Variants in MAGI1 observed in about 807,000 individuals in gnomAD.
MAGI1 encodes membrane associated guanylate kinase, WW and PDZ domain containing 1, also known as membrane-associated guanylate kinase, WW and PDZ domain-containing protein 1.
In MAGI1, 58 loss-of-function variants were observed where a neutral mutation model predicts 139.9. That is an observed-to-expected ratio of 0.41 (90% confidence interval 0.34 to 0.52). The LOEUF is 0.52. MAGI1 is among the 20% of genes least tolerant of loss of function. The pLI is 0.12. For synonymous variants in MAGI1, 812 were observed against 737.9 expected, an observed-to-expected ratio of 1.10 and a Z score of -1.63; for missense variants, 1,874 against 1,901.6, an observed-to-expected ratio of 0.99 and a Z score of 0.27.
chr3:65,434,939 T>C (rs1475092775), intron 10 of MAGI1, among the ~76,000 whole-genome samples: 2 of 152,142 alleles, frequency 1.3e-5, no homozygotes, highest in East Asian at 3.9e-4. Flanking sequence ...GATTATACCA[T>C]GAGAGTGGAG....
At chr3:65,965,670 T>A (rs1056311837) in intron 1 of MAGI1, among the ~76,000 whole-genome samples, 1 of 151,974 alleles carries the variant, frequency 6.6e-6, no homozygotes, top group African/African-American at 2.4e-5. Context: ...TTTTTTTTTT[T>A]CTTTTTGGTT....
rs569986398 is a variant in MAGI1, at chr3:65,687,113, T to A, written c.314-65025A>T. On this transcript the variant is annotated intron_variant, in intron 1 of 22. Transcript: ENST00000402939. ...GGGAGTTAATTAGAAATGAAGAATC[T>A]CCAGGCCTGGTGGCATGCACCTGAA... Among the ~76,000 whole-genome samples the A allele has an allele frequency of 2.0e-5, 3 of 152,280 alleles. No individual in the cohort carries two copies. The South Asian group carries it at 6.2e-4, about 32-fold the overall frequency.
At chr3:65,792,320 C>T (rs1485221028) in intron 1 of MAGI1, among the ~76,000 whole-genome samples, 1 of 151,848 alleles carries the variant, frequency 6.6e-6, no homozygotes, top group East Asian at 1.9e-4. Context: ...CAAAAATTAG[C>T]CGGGTGTGGT....
At chr3:65,403,863 G>A (rs1945111581) in intron 12 of MAGI1, among the ~76,000 whole-genome samples, 1 of 152,166 alleles carries the variant, frequency 6.6e-6, no homozygotes, top group African/African-American at 2.4e-5. Context: ...CAATATTGTT[G>A]GTAGAAAAGA....
intron 1 of MAGI1, among the ~76,000 whole-genome samples, chr3:66,024,317 A>C (rs1192374444): frequency 1.5e-4 from 5 of 34,034 alleles, no homozygotes; most frequent in African/African-American, 3.6e-4. Context: ...AAGTTCATTA[A>C]AAAAAAAAAA....
intron 1 of MAGI1, among the ~76,000 whole-genome samples, chr3:65,712,898 CT>C (rs2031679116): frequency 1.3e-5 from 2 of 152,176 alleles, no homozygotes; most frequent in African/African-American, 4.8e-5. Context: ...AATGCTGCCC[CT>C]AAATGCTTTG....
chr3:65,852,799 G>A (rs1228785231), intron 1 of MAGI1, among the ~76,000 whole-genome samples: 1 of 151,924 alleles, frequency 6.6e-6, no homozygotes, highest in Admixed American at 6.5e-5. Flanking sequence ...CACTGCACCT[G>A]GCCAACAACA....
At chr3:65,837,740 T>A (rs1251462577) in intron 1 of MAGI1, among the ~76,000 whole-genome samples, 1 of 152,194 alleles carries the variant, frequency 6.6e-6, no homozygotes, top group Non-Finnish European at 1.5e-5. Context: ...AGCATTTAAA[T>A]CTATGTTGGT....
intron 1 of MAGI1, among the ~76,000 whole-genome samples, chr3:65,768,879 T>C (rs906932977): frequency 6.6e-6 from 1 of 152,208 alleles, no homozygotes; most frequent in African/African-American, 2.4e-5. Flanking sequence ...GTACAGAGAA[T>C]AATATTTTCC....
intron 1 of MAGI1, among the ~76,000 whole-genome samples, chr3:65,921,148 T>C (rs958839434): frequency 5.3e-5 from 8 of 152,134 alleles, no homozygotes; most frequent in African/African-American, 1.2e-4. Context: ...TAATCTTGAC[T>C]TTTACTATCA....
At position 65,379,444 on chromosome 3, in the gene MAGI1, G is replaced by A; in HGVS notation, c.2812C>T (p.Leu938=). ...CCGCTGCCCGAGCTCACCGTGTTCAGCGAGTTCTGGCTGCCCTGCGGAGTG... is the reference window on the plus strand; with the variant it reads ...CCGCTGCCCGAGCTCACCGTGTTCAACGAGTTCTGGCTGCCCTGCGGAGTG... The part of the protein sequence containing the change: ...KRTPQGSQNS[L]NTVSSGSGST... The change falls in exon 17 of 23, where the codon CTG becomes TTG. Residue 938 remains leucine, a synonymous_variant. Transcript: ENST00000402939. The A allele has an allele frequency of 1.2e-6, 2 of 1,613,972 alleles. No homozygotes were observed. The highest frequency in any genetic ancestry group is 1.7e-6 in the Non-Finnish European group (2 of 1,179,912).
At chr3:65,440,158 G>A (rs1240158018) in intron 8 of MAGI1, 146 bp from the exon 9 acceptor site, 6 of 911,292 alleles carry the variant, frequency 6.6e-6, no homozygotes, top group Admixed American at 4.8e-5. Context: ...CAGTTAGAAA[G>A]AGGAAATAAA....
intron 2 of MAGI1, among the ~76,000 whole-genome samples, chr3:65,500,419 T>A (rs2077036864): frequency 6.6e-6 from 1 of 152,204 alleles, no homozygotes; most frequent in Non-Finnish European, 1.5e-5. Context: ...AGTGGCTATC[T>A]GCTTCTTACA....
chr3:65,661,454 A>T (rs2086182505), intron 1 of MAGI1, among the ~76,000 whole-genome samples: 1 of 152,170 alleles, frequency 6.6e-6, no homozygotes, highest in African/African-American at 2.4e-5. Flanking sequence ...GGTCCAAATA[A>T]ACCACAGCAA....
At chr3:65,827,560 A>G (rs1392027365) in intron 1 of MAGI1, among the ~76,000 whole-genome samples, 1 of 152,182 alleles carries the variant, frequency 6.6e-6, no homozygotes, top group Non-Finnish European at 1.5e-5. Context: ...CTTAAGCTCT[A>G]TACTCTGCTC....
chr3:65,917,152 T>C (rs1210486597), intron 1 of MAGI1, among the ~76,000 whole-genome samples: 7 of 152,224 alleles, frequency 4.6e-5, no homozygotes, highest in Non-Finnish European at 1.5e-5. Flanking sequence ...CTCTAAAGGA[T>C]GAGGAGTTAC....
At chr3:65,587,055 G>C (rs886429908) in intron 2 of MAGI1, among the ~76,000 whole-genome samples, 1 of 152,118 alleles carries the variant, frequency 6.6e-6, no homozygotes, top group African/African-American at 2.4e-5. Context: ...CTGTGTGAGG[G>C]CTTTGCTTTT....
At chr3:65,446,327 A>G (rs939095304) in intron 7 of MAGI1, among the ~76,000 whole-genome samples, 2 of 152,204 alleles carry the variant, frequency 1.3e-5, no homozygotes, top group African/African-American at 4.8e-5. Context: ...AAGGGAAGCT[A>G]AAAGAAGGTG....
At chr3:65,883,383 C>T (rs956630246) in intron 1 of MAGI1, among the ~76,000 whole-genome samples, 10 of 152,180 alleles carry the variant, frequency 6.6e-5, no homozygotes, top group Admixed American at 3.9e-4. Flanking sequence ...AATTCTGAAA[C>T]GCAACCCTCA....
Sources: gnomAD v4.1 joint callset for allele counts (sites outside exome capture counted in the v4.1 genomes callset) on GRCh38, gnomAD v4.1.1 for gene constraint, MANE v1.5 for transcripts, NCBI Gene and HGNC (gene_info 2026-07-23, HGNC 2026-07-21) for gene names.